ERBB4: variants seen among roughly 807,000 people sequenced by gnomAD.
ERBB4 encodes the protein erb-b2 receptor tyrosine kinase 4, also known as receptor tyrosine-protein kinase erbB-4.
Under a neutral mutation model 158.0 loss-of-function variants are expected in ERBB4, and 42 were observed. The ratio of observed to expected loss-of-function variants is 0.27; its 90% CI spans 0.21 to 0.34. ERBB4 has a LOEUF of 0.34. Ranked by LOEUF, ERBB4 falls within the 10% of genes least tolerant of loss-of-function variation. The probability of loss-of-function intolerance (pLI) is 1.00; values close to 1 mark genes in which losing one functional copy is unlikely to be tolerated. For synonymous variants in ERBB4, 583 were observed against 558.7 expected (o/e 1.04, Z -0.61); for missense variants, 1,333 against 1,624.1 (o/e 0.82, Z 3.08).
chr2:211,583,528 C>A (rs960622363), intron 19 of ERBB4, among the ~76,000 whole-genome samples: 6 of 151,284 alleles, frequency 4.0e-5, no homozygotes, highest in Non-Finnish European at 8.9e-5. Flanking sequence ...AGATAAATTA[C>A]TTTTTAAATT....
intron 1 of ERBB4, among the ~76,000 whole-genome samples, chr2:212,475,768 T>C (rs538363443): frequency 3.3e-5 from 5 of 152,162 alleles, no homozygotes; most frequent in African/African-American, 4.8e-5. Context: ...ACAAAAGTTA[T>C]TGGGGTTTTA....
At chr2:211,959,513 A>C (rs839508) in intron 2 of ERBB4, among the ~76,000 whole-genome samples, 1 of 151,942 alleles carries the variant, frequency 6.6e-6, no homozygotes, top group African/African-American at 2.4e-5. Flanking sequence ...TTTTCTTTTG[A>C]CATAATTGTT....
chr2:211,485,341 T>A (rs1351076262), intron 20 of ERBB4, among the ~76,000 whole-genome samples: 4 of 152,182 alleles, frequency 2.6e-5, no homozygotes, highest in Non-Finnish European at 5.9e-5. Context: ...CCTGCCTTTT[T>A]AATCTGTCAT....
At chr2:211,619,152 T>A (rs2069499266) in intron 19 of ERBB4, 25 bp downstream of exon 19, 1 of 1,381,668 alleles carries the variant, frequency 7.2e-7, no homozygotes, top group East Asian at 2.3e-5. Flanking sequence ...GAGAAAAATG[T>A]GATTGCCTGG....
intron 1 of ERBB4, among the ~76,000 whole-genome samples, chr2:212,220,457 T>G (rs187142378): frequency 5.1e-4 from 77 of 151,504 alleles, no homozygotes; most frequent in Admixed American, 1.5e-3. Context: ...GATTTGGTTT[T>G]ATTTCCCAGC....
intron 20 of ERBB4, among the ~76,000 whole-genome samples, chr2:211,499,808 A>T (rs572672533): frequency 6.6e-6 from 1 of 151,918 alleles, no homozygotes; most frequent in South Asian, 2.1e-4. Context: ...AACTGTTCCC[A>T]AACCAAGGTG....
chr2:212,266,774 AGAAT>A (rs1404939279), intron 1 of ERBB4, among the ~76,000 whole-genome samples: 2 of 152,050 alleles, frequency 1.3e-5, no homozygotes, highest in African/African-American at 4.8e-5. Context: ...GTTTGAAATT[AGAAT>A]GACTGCTAAA....
intron 3 of ERBB4, among the ~76,000 whole-genome samples, chr2:211,868,388 TAA>T: frequency 6.6e-6 from 1 of 152,346 alleles, no homozygotes; most frequent in Non-Finnish European, 1.5e-5. Context: ...CTTGTTCCCA[TAA>T]GTTGCTATTG....
chr2:212,221,432 G>T (rs1204374646), intron 1 of ERBB4, among the ~76,000 whole-genome samples: 4 of 151,476 alleles, frequency 2.6e-5, no homozygotes, highest in African/African-American at 4.8e-5. Context: ...CCACACATAA[G>T]GTATAGGTAT....
At chr2:212,010,439 A>C (rs2076358315) in intron 2 of ERBB4, among the ~76,000 whole-genome samples, 1 of 152,136 alleles carries the variant, frequency 6.6e-6, no homozygotes, top group South Asian at 2.1e-4. Context: ...GGATTTCAAA[A>C]GGGAAGGGGT....
chr2:211,883,917 A>T (rs1488568312), intron 3 of ERBB4, among the ~76,000 whole-genome samples: 1 of 152,244 alleles, frequency 6.6e-6, no homozygotes, highest in East Asian at 1.9e-4. Flanking sequence ...TATTTACATA[A>T]TTCTATCCAT....
chr2:211,701,723 T>A (rs1400075617), intron 12 of ERBB4, among the ~76,000 whole-genome samples: 1 of 125,528 alleles, frequency 8.0e-6, no homozygotes, highest in Non-Finnish European at 1.6e-5. Context: ...GCCACTGCAC[T>A]CTAGCCTGGG....
At chr2:212,352,557 C>G (rs1384526725) in intron 1 of ERBB4, among the ~76,000 whole-genome samples, 1 of 151,918 alleles carries the variant, frequency 6.6e-6, no homozygotes, top group Non-Finnish European at 1.5e-5. Context: ...ATGTGTAAAA[C>G]CATAGAAATA....
intron 1 of ERBB4, among the ~76,000 whole-genome samples, chr2:212,493,609 A>G (rs1690402871): frequency 6.6e-6 from 1 of 151,698 alleles, no homozygotes. Context: ...AACTTCAGCA[A>G]TTTTTAATTT....
chr2:211,522,206 T>C (rs894732226), intron 20 of ERBB4, among the ~76,000 whole-genome samples: 2 of 152,150 alleles, frequency 1.3e-5, no homozygotes, highest in Non-Finnish European at 2.9e-5. Context: ...AGTACATTTG[T>C]GATTCATGGG....
In ERBB4 at chr2:211,386,925, G is replaced by T. The variant is rs1210002714; in HGVS notation, c.3409C>A (p.Pro1137Thr). 6.2e-7 allele frequency: 1 copy of T among 1,614,010 alleles called. No individual in the cohort carries two copies. The highest frequency in any genetic ancestry group is 8.5e-7 in the Non-Finnish European group (1 of 1,180,032). Residue 1137 changes from proline to threonine, a missense_variant, in exon 27 of 28, where the codon CCA (proline) becomes ACA (threonine). Around this residue, in one of 5 missense-constraint regions of ERBB4, gnomAD observed 252 missense variants for 241.3 expected, o/e 1.04. Coordinates refer to ENST00000342788, the MANE Select transcript of ERBB4 (RefSeq NM_005235.3). ...AGCTCTCCTCGTGGGCTCCGTTCTGGGGCAAACACGGTGGGGTCAGCACTG... is the reference window on the plus strand; with the variant it reads ...AGCTCTCCTCGTGGGCTCCGTTCTGTGGCAAACACGGTGGGGTCAGCACTG... The part of the protein sequence containing the change: ...RYSADPTVFA[P>T]ERSPRGELDE...
chr2:212,455,301 G>A (rs1343239622), intron 1 of ERBB4, among the ~76,000 whole-genome samples: 1 of 152,098 alleles, frequency 6.6e-6, no homozygotes, highest in Non-Finnish European at 1.5e-5. Flanking sequence ...CACCTATTAT[G>A]CTTCTTTCCA....
Position 212,378,083 on chromosome 2 carries a change from C to T in ERBB4, c.82+160366G>A, listed in dbSNP as rs191826600. 6.4e-3 allele frequency among the ~76,000 whole-genome samples: 978 copies of T among 151,882 alleles called. 3 individuals carry two copies. The highest frequency in any genetic ancestry group is 0.017 in the Middle Eastern group (5 of 294). On this transcript the variant is annotated intron_variant, in intron 1 of 27. Coordinates refer to ENST00000342788, the MANE Select transcript of ERBB4 (RefSeq NM_005235.3). Reference sequence around the variant, plus strand: ...ATCTTGTCCCATTGGAAGGTCTTCACGGGTAATAGCACGCATGGTGTTGCC... The same window carrying T: ...ATCTTGTCCCATTGGAAGGTCTTCATGGGTAATAGCACGCATGGTGTTGCC...
chr2:211,413,843 T>G (rs1256866038), intron 25 of ERBB4, among the ~76,000 whole-genome samples: 2 of 151,496 alleles, frequency 1.3e-5, no homozygotes, highest in Non-Finnish European at 2.9e-5. Context: ...AAAAGAAAGC[T>G]CTCAGCAAAG....
Sources: allele counts gnomAD v4.1 joint callset (sites outside exome capture counted in the v4.1 genomes callset), GRCh38; gene constraint gnomAD v4.1.1; regional missense constraint gnomAD v4.1.1; transcripts MANE v1.5; gene names NCBI Gene and HGNC (gene_info 2026-07-23, HGNC 2026-07-21).